KCTD8: variants seen among roughly 807,000 people sequenced by gnomAD.
KCTD8 encodes the protein potassium channel tetramerization domain containing 8.
Under a neutral mutation model 31.5 loss-of-function variants are expected in KCTD8, and 27 were observed. That is an observed-to-expected ratio of 0.86 (90% CI 0.63 to 1.18). KCTD8 has a LOEUF of 1.18. KCTD8 is among the 50% of genes most tolerant of loss of function. The pLI is 0.00. For synonymous variants in KCTD8, 290 were observed against 280.0 expected (o/e 1.04, Z -0.36); for missense variants, 658 against 647.7 (o/e 1.02, Z -0.17).
chr4:44,447,684 A>G lies in KCTD8; in HGVS notation c.840T>C (p.Phe280=). Residue 280 remains phenylalanine (F), a synonymous_variant, in exon 1 of 2, where the codon TTT becomes TTC. Transcript: ENST00000360029. ...YLKFTYLEQA[F]DRLSEAGFHM... ...GGAAGCCGGCCTCGGACAGGCGATCAAAGGCCTGCTCCAAGTAGGTGAACT... is the reference window on the plus strand; with the variant it reads ...GGAAGCCGGCCTCGGACAGGCGATCGAAGGCCTGCTCCAAGTAGGTGAACT... 1 of 1,612,540 alleles carries G rather than the reference A, an allele frequency of 6.2e-7. No homozygotes were observed. The highest frequency in any genetic ancestry group is 8.5e-7 in the Non-Finnish European group (1 of 1,179,450).
chr4:44,207,779 CA>C (rs1324207325), intron 1 of KCTD8, among the ~76,000 whole-genome samples: 1 of 152,106 alleles, frequency 6.6e-6, no homozygotes, highest in Non-Finnish European at 1.5e-5. Context: ...CATAATATAG[CA>C]AAAACTCCTT....
At chr4:44,429,697 G>C (rs894320581) in intron 1 of KCTD8, among the ~76,000 whole-genome samples, 1 of 151,694 alleles carries the variant, frequency 6.6e-6, no homozygotes, top group African/African-American at 2.4e-5. Flanking sequence ...AAAGTAATGG[G>C]AAATGTATAA....
chr4:44,398,861 G>A (rs16856871), intron 1 of KCTD8, among the ~76,000 whole-genome samples: 11,822 of 152,158 alleles, frequency 0.078, 490 homozygotes, highest in South Asian at 0.15. Context: ...GATGATTGAC[G>A]CATATTGATT....
intron 1 of KCTD8, among the ~76,000 whole-genome samples, chr4:44,257,089 C>A (rs548558334): frequency 6.6e-6 from 1 of 151,890 alleles, no homozygotes; most frequent in African/African-American, 2.4e-5. Context: ...ATAGTCATTA[C>A]CCTTAGGGGA....
At chr4:44,212,926 GT>G (rs1339053240) in intron 1 of KCTD8, among the ~76,000 whole-genome samples, 1 of 151,570 alleles carries the variant, frequency 6.6e-6, no homozygotes, top group East Asian at 1.9e-4. Flanking sequence ...TTTTGTCTTT[GT>G]TTTTTTGTTT....
chr4:44,208,615 G>T (rs1333505218), intron 1 of KCTD8, among the ~76,000 whole-genome samples: 1 of 152,114 alleles, frequency 6.6e-6, no homozygotes, highest in African/African-American at 2.4e-5. Context: ...AAAAGAAAAT[G>T]ATCTTCTTGT....
At chr4:44,224,639 A>G (rs1484044998) in intron 1 of KCTD8, among the ~76,000 whole-genome samples, 19 of 152,242 alleles carry the variant, frequency 1.2e-4, no homozygotes, top group Admixed American at 1.0e-3. Context: ...TTTCAGTGAT[A>G]TCCATCTGTG....
chr4:44,328,432 GACC>G (rs1439793365), intron 1 of KCTD8, among the ~76,000 whole-genome samples: 2 of 151,860 alleles, frequency 1.3e-5, no homozygotes, highest in African/African-American at 4.8e-5. Flanking sequence ...AGTACTAGAT[GACC>G]ACATCATTGA....
intron 1 of KCTD8, among the ~76,000 whole-genome samples, chr4:44,332,511 A>G (rs1255788924): frequency 1.3e-5 from 2 of 152,116 alleles, no homozygotes; most frequent in Non-Finnish European, 2.9e-5. Flanking sequence ...AGATTCATAC[A>G]AGATAAGTTT....
chr4:44,195,466 A>G (rs896925602), intron 1 of KCTD8, among the ~76,000 whole-genome samples: 6 of 152,170 alleles, frequency 3.9e-5, no homozygotes, highest in Non-Finnish European at 8.8e-5. Context: ...TGAAACTGTA[A>G]GGTTAAGAGG....
chr4:44,303,269 G>A (rs1368153538), intron 1 of KCTD8, among the ~76,000 whole-genome samples: 3 of 152,114 alleles, frequency 2.0e-5, no homozygotes, highest in African/African-American at 7.2e-5. Flanking sequence ...TTTTTCTATT[G>A]ATTGGAATAG....
At chr4:44,285,540 C>T (rs1220627963) in intron 1 of KCTD8, among the ~76,000 whole-genome samples, 1 of 152,028 alleles carries the variant, frequency 6.6e-6, no homozygotes, top group Non-Finnish European at 1.5e-5. Flanking sequence ...ATGATGGGTG[C>T]AGCAAACCAC....
chr4:44,289,557 T>C (rs1717207022), intron 1 of KCTD8, among the ~76,000 whole-genome samples: 2 of 152,052 alleles, frequency 1.3e-5, no homozygotes, highest in Non-Finnish European at 2.9e-5. Flanking sequence ...CCAGTGCTAG[T>C]TCCATCCTAG....
intron 1 of KCTD8, among the ~76,000 whole-genome samples, chr4:44,197,084 G>T (rs1436236184): frequency 6.6e-6 from 1 of 152,150 alleles, no homozygotes; most frequent in Non-Finnish European, 1.5e-5. Context: ...ACAGCTCTGT[G>T]TTCCCCCGGA....
chr4:44,282,696 A>G (rs1442447384), intron 1 of KCTD8, among the ~76,000 whole-genome samples: 1 of 152,118 alleles, frequency 6.6e-6, no homozygotes, highest in Non-Finnish European at 1.5e-5. Context: ...GAGTGAAAAG[A>G]AAGAAAAAGA....
intron 1 of KCTD8, among the ~76,000 whole-genome samples, chr4:44,409,207 G>C (rs1400764756): frequency 1.5e-5 from 2 of 134,992 alleles, no homozygotes; most frequent in Non-Finnish European, 3.2e-5. Flanking sequence ...GGGCAATAGA[G>C]TGAGATCCTG....
At chr4:44,243,573 T>G (rs1715567427) in intron 1 of KCTD8, among the ~76,000 whole-genome samples, 1 of 152,196 alleles carries the variant, frequency 6.6e-6, no homozygotes, top group Non-Finnish European at 1.5e-5. Flanking sequence ...CATTGGTCCT[T>G]TCACCTAGCA....
rs1025513350 is a variant in KCTD8, at chr4:44,174,160, A to G, written c.*630T>C. On this transcript the variant is annotated 3_prime_UTR_variant, in exon 2 of 2. Coordinates refer to ENST00000360029, the MANE Select transcript of KCTD8 (RefSeq NM_198353.3). ...ATACACATACACAAAAAAGTCACAG[A>G]TCCAGAACAAAGAAAATTCAATCTC... is the stretch of plus-strand genomic sequence containing the variant. The G allele has an allele frequency of 6.6e-6, 1 of 152,572 alleles. No homozygotes were observed. Among genetic ancestry groups the G allele is most frequent in the African/African-American group, 2.4e-5 (1 of 41,452 alleles). The allele number at this position is 152,572 out of a possible 1,614,324, so 9.5% of individuals were successfully genotyped here.
rs201961501 is a variant in KCTD8 at position 44,447,867 on chromosome 4, G to C, written c.657C>G (p.Thr219=). 3.4e-5 allele frequency: 53 copies of C among 1,566,052 alleles called. No homozygotes were observed. The highest frequency in any genetic ancestry group is 2.5e-5 in the Non-Finnish European group (29 of 1,153,648). Residue 219 remains threonine (T), a synonymous_variant, in exon 1 of 2, where the codon ACC becomes ACG. Coordinates refer to ENST00000360029, the MANE Select transcript of KCTD8 (RefSeq NM_198353.3). ...TGGCGTCGGCCTGGTTGTCGCGCAC[G>C]GTGGTGTAGGAGCCCCGGTAGCCCA... The part of the protein sequence containing the change: ...LTLGYRGSYT[T]VRDNQADAKF...
Sources: allele counts gnomAD v4.1 joint callset (sites outside exome capture counted in the v4.1 genomes callset), GRCh38; gene constraint gnomAD v4.1.1; transcripts MANE v1.5; gene names NCBI Gene and HGNC (gene_info 2026-07-23, HGNC 2026-07-21).